ANXA3: variants seen among roughly 807,000 people sequenced by gnomAD.
ANXA3 encodes the protein 35-alpha calcimedin.
In ANXA3, 46 loss-of-function variants were observed where a neutral mutation model predicts 48.8. The ratio of observed to expected loss-of-function variants is 0.94; its 90% CI spans 0.74 to 1.21. The LOEUF (loss-of-function observed/expected upper bound fraction) is 1.21, where lower values mean the gene tolerates loss of function less well. ANXA3 is among the 50% of genes most tolerant of loss of function. The probability of loss-of-function intolerance (pLI) is 0.00; values close to 1 mark genes in which losing one functional copy is unlikely to be tolerated. For missense variants in ANXA3, 383 were observed against 378.6 expected (o/e 1.01, Z -0.10); for synonymous variants, 128 against 134.7 (o/e 0.95, Z 0.35).
Position 78,573,139 on chromosome 4 carries a change from G to A in ANXA3, c.16-41G>A, listed in dbSNP as rs745313749. On this transcript the variant is annotated intron_variant, in intron 2 of 12. Coordinates refer to ENST00000264908, the MANE Select transcript of ANXA3 (RefSeq NM_005139.3). ...TATGCATATGTAATACAAGAAAGATGTCATTTTGAACCAATGGGACTTTCA... is the reference window on the plus strand; with the variant it reads ...TATGCATATGTAATACAAGAAAGATATCATTTTGAACCAATGGGACTTTCA... The A allele has an allele frequency of 8.9e-5, 126 of 1,420,048 alleles. No homozygotes were observed. In the East Asian group the frequency reaches 2.8e-3, roughly 32 times the overall value. The allele number at this position is 1,420,048 out of a possible 1,614,324, so 88.0% of individuals were successfully genotyped here.
chr4:78,582,462 A>C (rs1723092239), intron 5 of ANXA3, 172 bp downstream of exon 5: 1 of 502,556 alleles, frequency 2.0e-6, no homozygotes, highest in East Asian at 3.0e-5. Flanking sequence ...CCTTAAGCCC[A>C]AATGTTCCTG....
At chr4:78,578,367 GAGGAAAGA>G (rs1324869806) in intron 3 of ANXA3, among the ~76,000 whole-genome samples, 3 of 131,344 alleles carry the variant, frequency 2.3e-5, no homozygotes, top group African/African-American at 8.9e-5. Context: ...GGGAGAGAGG[GAGGAAAGA>G]AGGAAGGGAG....
intron 6 of ANXA3, among the ~76,000 whole-genome samples, chr4:78,589,256 C>G (rs1723240170): frequency 6.6e-6 from 1 of 152,174 alleles, no homozygotes; most frequent in South Asian, 2.1e-4. Flanking sequence ...GCAGATATGA[C>G]AGATGATAAT....
At chr4:78,588,607 T>C (rs1723226679) in intron 6 of ANXA3, among the ~76,000 whole-genome samples, 1 of 152,094 alleles carries the variant, frequency 6.6e-6, no homozygotes, top group African/African-American at 2.4e-5. Flanking sequence ...GGAGTTCAGA[T>C]CTCTGAAAAG....
At chr4:78,566,495 A>AC (rs796580650) in intron 2 of ANXA3, among the ~76,000 whole-genome samples, 13 of 151,992 alleles carry the variant, frequency 8.6e-5, no homozygotes, top group African/African-American at 2.7e-4. Flanking sequence ...CCACAAAAAA[A>AC]AAAAAAATGA....
At chr4:78,606,353 A>G (rs1473403157) in intron 12 of ANXA3, among the ~76,000 whole-genome samples, 1 of 152,168 alleles carries the variant, frequency 6.6e-6, no homozygotes, top group Admixed American at 6.5e-5. Flanking sequence ...AAAACTGGGA[A>G]TGGAGTCCAT....
chr4:78,559,756 T>C (rs1221390511), intron 2 of ANXA3, among the ~76,000 whole-genome samples: 2 of 152,212 alleles, frequency 1.3e-5, no homozygotes, highest in African/African-American at 4.8e-5. Context: ...TTAGTCTTTC[T>C]CTACTTCAGT....
intron 2 of ANXA3, among the ~76,000 whole-genome samples, chr4:78,564,720 A>G (rs1722694252): frequency 1.3e-5 from 2 of 152,344 alleles, no homozygotes. Context: ...GTTAGAGAAG[A>G]TGGTCTTTAA....
intron 11 of ANXA3, chr4:78,603,618 T>C (rs1251347335): frequency 6.6e-6 from 1 of 152,230 alleles, no homozygotes; most frequent in Non-Finnish European, 1.5e-5. Context: ...TCAAAGTGAT[T>C]TTCTGAAACC....
At chr4:78,583,013 C>T (rs1723103883) in intron 5 of ANXA3, among the ~76,000 whole-genome samples, 1 of 152,066 alleles carries the variant, frequency 6.6e-6, no homozygotes, top group Non-Finnish European at 1.5e-5. Flanking sequence ...CTCAGAGAAG[C>T]AGAACCAATA....
At chr4:78,590,339 G>A (rs973692570) in intron 6 of ANXA3, among the ~76,000 whole-genome samples, 1 of 152,134 alleles carries the variant, frequency 6.6e-6, no homozygotes, top group Non-Finnish European at 1.5e-5. Flanking sequence ...GCTTTGAAAA[G>A]TTACAGATTT....
At chr4:78,601,427 T>C in intron 10 of ANXA3, 83 bp from the exon 11 acceptor site, 1 of 1,322,716 alleles carries the variant, frequency 7.6e-7, no homozygotes, top group Non-Finnish European at 1.1e-6. Flanking sequence ...GTCCAAAGAA[T>C]CTTTTTAAAA....
intron 2 of ANXA3, among the ~76,000 whole-genome samples, chr4:78,571,654 G>A (rs1283411601): frequency 1.3e-5 from 2 of 152,164 alleles, no homozygotes; most frequent in Non-Finnish European, 1.5e-5. Context: ...TGTTTAAAAG[G>A]AAATATTATT....
rs5947 is a variant in ANXA3, at chr4:78,597,320, A to G, written c.636A>G (p.Thr212=). The G allele has an allele frequency of 7.1e-4, 1,127 of 1,596,596 alleles. 11 individuals carry two copies. The African/African-American group carries it at 0.013, about 18-fold the overall frequency. ...TAATTTTGTGGTGCTTCTTTTTAGC[A>G]TTTGATGAATACAGAAATATCAGCC... ...CLRSFPQLKL[T]FDEYRNISQK... Residue 212 remains threonine, a splice_region_variant and synonymous_variant, in exon 10 of 13, where the codon ACA becomes ACG. Transcript: ENST00000264908.
intron 2 of ANXA3, among the ~76,000 whole-genome samples, chr4:78,568,274 C>T (rs1722770610): frequency 6.6e-6 from 1 of 152,196 alleles, no homozygotes; most frequent in South Asian, 2.1e-4. Context: ...AAAAATTGAA[C>T]AGGAAGTCTT....
intron 2 of ANXA3, among the ~76,000 whole-genome samples, chr4:78,572,821 C>A (rs1373832548): frequency 2.0e-4 from 31 of 152,222 alleles, no homozygotes; most frequent in Admixed American, 2.0e-3. Context: ...TCAGGCCCCT[C>A]TCATCCTCCT....
rs543643015 is a variant in ANXA3, at chr4:78,575,250, C to T, written c.103+1983C>T. Among the ~76,000 whole-genome samples the T allele has an allele frequency of 7.9e-5, 12 of 151,490 alleles. No homozygotes were observed. The South Asian group carries it at 2.3e-3, about 29-fold the overall frequency. ...TGGCAAGAGTTTTTTTATAATTCCTCAATACAGACTTTTTAAAAAATATTA... is the reference window on the plus strand; with the variant it reads ...TGGCAAGAGTTTTTTTATAATTCCTTAATACAGACTTTTTAAAAAATATTA... On this transcript the variant is annotated intron_variant, in intron 3 of 12. Transcript: ENST00000264908.
At chr4:78,597,281 T>C in intron 9 of ANXA3, 38 bp from the exon 10 acceptor site, 2 of 1,341,494 alleles carry the variant, frequency 1.5e-6, no homozygotes, top group East Asian at 2.3e-5. Flanking sequence ...TGTGCTCAAC[T>C]GCGTTGCTTT....
Position 78,586,276 on chromosome 4 carries a change from A to C in ANXA3, c.329A>C (p.Glu110Ala). 1 of 1,613,756 alleles carries C rather than the reference A, an allele frequency of 6.2e-7. No individual in the cohort carries two copies. The highest frequency in any genetic ancestry group is 8.5e-7 in the Non-Finnish European group (1 of 1,179,774). Residue 110 changes from glutamate to alanine, a missense_variant, in exon 6 of 13, where the codon GAA (glutamate) becomes GCA (alanine). Transcript: ENST00000264908. The part of the protein sequence containing the change: ...KKSMKGAGTN[E>A]DALIEILTTR... ...CCTTTTTAGGGCGCGGGAACAAACG[A>C]AGATGCCTTGATTGAAATCTTAACT...
Sources: gnomAD v4.1 joint callset for allele counts (sites outside exome capture counted in the v4.1 genomes callset) on GRCh38, gnomAD v4.1.1 for gene constraint, MANE v1.5 for transcripts, NCBI Gene and HGNC (gene_info 2026-07-23, HGNC 2026-07-21) for gene names.